PAPSS2: variants seen among roughly 807,000 people sequenced by gnomAD.
PAPSS2 encodes the protein 3'-phosphoadenosine 5'-phosphosulfate synthase 2.
A neutral mutation model predicts 66.5 loss-of-function variants in PAPSS2; 61 were observed. The observed-to-expected ratio is 0.92, with a 90% CI of 0.75 to 1.14. The LOEUF is 1.14. PAPSS2 is among the 50% of genes most tolerant of loss of function. PAPSS2 has a pLI of 0.00. For synonymous variants in PAPSS2, 289 were observed against 287.5 expected (o/e 1.01, Z -0.05); for missense variants, 708 against 789.6 (o/e 0.90, Z 1.24).
chr10:87,719,434 A>G (rs1853569299), intron 7 of PAPSS2, among the ~76,000 whole-genome samples: 1 of 152,214 alleles, frequency 6.6e-6, no homozygotes, highest in African/African-American at 2.4e-5. Context: ...CATACATATT[A>G]GCTATTATGA....
chr10:87,688,605 G>A (rs959672245), intron 1 of PAPSS2, among the ~76,000 whole-genome samples: 6 of 151,728 alleles, frequency 4.0e-5, no homozygotes, highest in Non-Finnish European at 7.4e-5. Flanking sequence ...GACTACAGGC[G>A]CCCGCCACCA....
chr10:87,743,436 A>T lies in PAPSS2; in HGVS notation c.1286A>T (p.Asp429Val). Residue 429 changes from aspartate (D) to valine (V), a missense_variant, in exon 11 of 13, where the codon GAC becomes GTC. Transcript: ENST00000456849. Reference protein sequence around the residue: ...VHNGHALLMQDTRRRLLERGY... With the variant: ...VHNGHALLMQVTRRRLLERGY... ...AATGGCCATGCCCTGTTGATGCAGGACACTCGCCGCAGGCTCCTAGAGAGG... is the reference window on the plus strand; with the variant it reads ...AATGGCCATGCCCTGTTGATGCAGGTCACTCGCCGCAGGCTCCTAGAGAGG... 1 of 1,614,074 alleles carries T rather than the reference A, an allele frequency of 6.2e-7. No homozygotes were observed. The highest frequency in any genetic ancestry group is 2.2e-5 in the East Asian group (1 of 44,862).
chr10:87,724,770 T>A (rs1474916293), intron 8 of PAPSS2, among the ~76,000 whole-genome samples: 1 of 150,202 alleles, frequency 6.7e-6, no homozygotes, highest in East Asian at 1.9e-4. Context: ...CTGATATATA[T>A]CTGAATAGAT....
At position 87,659,881 on chromosome 10, in the gene PAPSS2, C is replaced by CGCTGCTGCTGCTGCT. The variant is rs3217087; in HGVS notation, c.-89_-75dup. On this transcript the variant is annotated 5_prime_UTR_variant, in exon 1 of 13. Coordinates refer to ENST00000456849, the MANE Select transcript of PAPSS2 (RefSeq NM_001015880.2). Reference sequence around the variant, plus strand: ...ACCTCCTTCCCGGGAGTCCGGCAGCCGCTGCTGCTGCTGCTGCTGCTGCTG... The same window carrying CGCTGCTGCTGCTGCT: ...ACCTCCTTCCCGGGAGTCCGGCAGCCGCTGCTGCTGCTGCTGCTGCTGCTGCTGCTGCTGCTGCTG... 3.4e-5 allele frequency: 35 copies of CGCTGCTGCTGCTGCT among 1,037,638 alleles called. 1 individual carries two copies. The Middle Eastern group carries it at 1.1e-3, about 31-fold the overall frequency. The allele number at this position is 1,037,638 out of a possible 1,614,324, so 64.3% of individuals were successfully genotyped here.
chr10:87,711,485 C>T (rs1302450635), intron 2 of PAPSS2, among the ~76,000 whole-genome samples: 2 of 152,198 alleles, frequency 1.3e-5, no homozygotes, highest in Non-Finnish European at 2.9e-5. Flanking sequence ...AGAGAACACA[C>T]CAGAGATTCA....
At chr10:87,740,106 A>G (rs150822948) in intron 9 of PAPSS2, among the ~76,000 whole-genome samples, 195 of 152,322 alleles carry the variant, frequency 1.3e-3, no homozygotes, top group Non-Finnish European at 2.3e-3. Flanking sequence ...TTCGGCAGAT[A>G]TTTTTCAAAA....
intron 1 of PAPSS2, among the ~76,000 whole-genome samples, chr10:87,697,139 G>A (rs574134496): frequency 6.6e-6 from 1 of 152,284 alleles, no homozygotes; most frequent in African/African-American, 2.4e-5. Context: ...GACCTTGACA[G>A]TTTTGAGGAG....
At chr10:87,744,719 TA>T (rs1324296469) in intron 11 of PAPSS2, among the ~76,000 whole-genome samples, 1 of 152,192 alleles carries the variant, frequency 6.6e-6, no homozygotes. Context: ...TGTAGAATAG[TA>T]AGATTTGAGT....
rs201353575 is a variant in PAPSS2, at chr10:87,659,957, C to A, written c.-25C>A. On this transcript the variant is annotated 5_prime_UTR_variant, in exon 1 of 13. Coordinates refer to ENST00000456849, the MANE Select transcript of PAPSS2 (RefSeq NM_001015880.2). ...GTCCTTCGGTCTCTGCTCCCGGGAC[C>A]CGGGCTCCGCCGCAGCCAGCCAGCA... 4 of 1,611,932 alleles carry A rather than the reference C, an allele frequency of 2.5e-6. No individual in the cohort carries two copies. The highest frequency in any genetic ancestry group is 2.2e-5 in the East Asian group (1 of 44,830).
chr10:87,696,735 A>C (rs1186900537), intron 1 of PAPSS2, among the ~76,000 whole-genome samples: 1 of 152,250 alleles, frequency 6.6e-6, no homozygotes, highest in African/African-American at 2.4e-5. Flanking sequence ...AAGGATAAAG[A>C]ATCCAGCAAT....
At chr10:87,673,100 T>A (rs748661981) in intron 1 of PAPSS2, among the ~76,000 whole-genome samples, 7 of 152,224 alleles carry the variant, frequency 4.6e-5, no homozygotes, top group Non-Finnish European at 1.0e-4. Flanking sequence ...GGAAGATGCT[T>A]AGGCCCATGG....
At chr10:87,661,726 A>G (rs1359981644) in intron 1 of PAPSS2, among the ~76,000 whole-genome samples, 2 of 152,160 alleles carry the variant, frequency 1.3e-5, no homozygotes, top group African/African-American at 4.8e-5. Context: ...TGAGGGCCGG[A>G]GGGTTTGGTT....
intron 1 of PAPSS2, among the ~76,000 whole-genome samples, chr10:87,693,324 GC>G (rs912321025): frequency 6.6e-6 from 1 of 152,192 alleles, no homozygotes; most frequent in African/African-American, 2.4e-5. Flanking sequence ...TTAGGAATCT[GC>G]CTTTCCAGTG....
At chr10:87,661,141 T>A (rs1589415003) in intron 1 of PAPSS2, 8 of 366,750 alleles carry the variant, frequency 2.2e-5, no homozygotes, top group East Asian at 1.6e-4. Context: ...GGGAGAGGTT[T>A]AAAAAAAAAA....
intron 1 of PAPSS2, among the ~76,000 whole-genome samples, chr10:87,701,064 A>C (rs1853297608): frequency 6.6e-6 from 1 of 151,714 alleles, no homozygotes. Context: ...TTCATAAAAT[A>C]CTCTTTAATA....
chr10:87,668,080 A>G (rs766719532), intron 1 of PAPSS2, among the ~76,000 whole-genome samples: 1 of 152,196 alleles, frequency 6.6e-6, no homozygotes, highest in Admixed American at 6.5e-5. Flanking sequence ...TATAAACTTT[A>G]TTCTTCTACA....
At chr10:87,666,540 G>A (rs1852818320) in intron 1 of PAPSS2, among the ~76,000 whole-genome samples, 1 of 151,754 alleles carries the variant, frequency 6.6e-6, no homozygotes, top group African/African-American at 2.4e-5. Flanking sequence ...TGTGGAGTGG[G>A]GAGTGCTCAC....
rs147242645 is a variant in PAPSS2, at chr10:87,730,173, A to G, written c.1086+2684A>G. 1.6e-3 allele frequency among the ~76,000 whole-genome samples: 241 copies of G among 152,334 alleles called. 2 individuals are homozygous for G. In the East Asian group the frequency reaches 0.03, roughly 19 times the overall value. On this transcript the variant is annotated intron_variant, in intron 9 of 12. Coordinates refer to ENST00000456849, the MANE Select transcript of PAPSS2 (RefSeq NM_001015880.2). ...GGAAAACTTCCCCTTTGCCCCCTGA[A>G]GTTTTGCTGAAAAGGCAACTGACAA...
intron 1 of PAPSS2, among the ~76,000 whole-genome samples, chr10:87,708,352 G>A (rs996725135): frequency 1.3e-5 from 2 of 152,230 alleles, no homozygotes; most frequent in African/African-American, 4.8e-5. Flanking sequence ...AGTGGAAACA[G>A]TTTAGTTCTT....
Sources: allele counts gnomAD v4.1 joint callset (sites outside exome capture counted in the v4.1 genomes callset), GRCh38; gene constraint gnomAD v4.1.1; transcripts MANE v1.5; gene names NCBI Gene and HGNC (gene_info 2026-07-23, HGNC 2026-07-21).